Variants in FAM117A observed in about 807,000 individuals in gnomAD.
FAM117A encodes family with sequence similarity 117 member A, also known as protein FAM117A.
Under a neutral mutation model 44.1 loss-of-function variants are expected in FAM117A, and 21 were observed. The ratio of observed to expected loss-of-function variants is 0.48; its 90% CI spans 0.34 to 0.69. The LOEUF (loss-of-function observed/expected upper bound fraction) is 0.69, where lower values mean the gene tolerates loss of function less well. Ranked by LOEUF, FAM117A falls within the 30% of genes least tolerant of loss-of-function variation. The pLI is 0.01. For missense variants in FAM117A, 498 were observed against 589.9 expected, an observed-to-expected ratio of 0.84 and a Z score of 1.61; for synonymous variants, 220 against 238.3, an observed-to-expected ratio of 0.92 and a Z score of 0.71.
At chr17:49,719,461 C>T (rs1298060931) in intron 5 of FAM117A, among the ~76,000 whole-genome samples, 1 of 152,186 alleles carries the variant, frequency 6.6e-6, no homozygotes, top group East Asian at 1.9e-4. Context: ...ACAGTGAGAA[C>T]TGGCAGTTTG....
chr17:49,785,532 A>T lies in FAM117A; in HGVS notation c.-621+2965T>A, dbSNP rs185112858. On this transcript the variant is annotated intron_variant, in intron 1 of 7. Coordinates refer to the FAM117A transcript ENST00000513602. ...GTCTCTTAAAAAACAAAAAACAAAA[A>T]CAAAAACTTGTCCAAGAGTAATGCA... 2.0e-5 allele frequency among the ~76,000 whole-genome samples: 3 copies of T among 152,208 alleles called. No individual in the cohort carries two copies. The East Asian group carries it at 5.8e-4, about 29-fold the overall frequency.
intron 1 of FAM117A, among the ~76,000 whole-genome samples, chr17:49,780,864 T>C (rs1223278359): frequency 6.6e-6 from 1 of 152,062 alleles, no homozygotes; most frequent in Non-Finnish European, 1.5e-5. Context: ...GGAGTTTCGC[T>C]CTGTCACCCA....
At chr17:49,741,737 A>C (rs940968520) in intron 1 of FAM117A, among the ~76,000 whole-genome samples, 1 of 152,232 alleles carries the variant, frequency 6.6e-6, no homozygotes, top group African/African-American at 2.4e-5. Context: ...TGCAGTAAGC[A>C]CGGGAAGTTC....
chr17:49,745,790 A>G (rs2073652443), intron 1 of FAM117A, among the ~76,000 whole-genome samples: 2 of 152,242 alleles, frequency 1.3e-5, no homozygotes, highest in Admixed American at 1.3e-4. Context: ...AAAACAAAGA[A>G]ACAGGAATGG....
chr17:49,717,467 C>G (rs1209110546), intron 6 of FAM117A, 46 bp downstream of exon 6: 2 of 1,575,478 alleles, frequency 1.3e-6, no homozygotes, highest in Non-Finnish European at 1.7e-6. Context: ...TGGAGCCACT[C>G]ATGTGCCCCA....
chr17:49,757,658 C>G (rs2054086271), intron 1 of FAM117A, among the ~76,000 whole-genome samples: 1 of 152,170 alleles, frequency 6.6e-6, no homozygotes, highest in African/African-American at 2.4e-5. Context: ...AATGGGGGCA[C>G]AGATAACTTA....
chr17:49,720,494 G>A, intron 3 of FAM117A, 58 bp from the exon 4 acceptor site: 1 of 1,372,630 alleles, frequency 7.3e-7, no homozygotes. Context: ...AGTGCACTGG[G>A]TCCCTCTTCC....
chr17:49,774,812 G>GC (rs2073771352), intron 1 of FAM117A, among the ~76,000 whole-genome samples: 1 of 152,142 alleles, frequency 6.6e-6, no homozygotes, highest in African/African-American at 2.4e-5. Context: ...CTGATAGTGG[G>GC]AAAGGCTCCA....
At chr17:49,772,966 T>A (rs1459765633) in intron 1 of FAM117A, among the ~76,000 whole-genome samples, 2 of 151,852 alleles carry the variant, frequency 1.3e-5, no homozygotes, top group Non-Finnish European at 2.9e-5. Flanking sequence ...GGTCAAGAGT[T>A]CAAGACCAGC....
chr17:49,720,271 A>AG, intron 4 of FAM117A, 55 bp downstream of exon 4: 1 of 1,409,514 alleles, frequency 7.1e-7, no homozygotes, highest in Non-Finnish European at 1.0e-6. Context: ...CTGCCCATAT[A>AG]GGGGGGCCTG....
At chr17:49,747,575 C>T (rs59917700) in intron 1 of FAM117A, among the ~76,000 whole-genome samples, 29,434 of 152,092 alleles carry the variant, frequency 0.19, 3,310 homozygotes, top group East Asian at 0.55. Flanking sequence ...CTCTACCCCC[C>T]GCATCCTTGA....
At chr17:49,775,166 T>C (rs2073772263) in intron 1 of FAM117A, among the ~76,000 whole-genome samples, 1 of 152,198 alleles carries the variant, frequency 6.6e-6, no homozygotes, top group South Asian at 2.1e-4. Context: ...TTTTGTATTT[T>C]TAGTAGAGAC....
intron 1 of FAM117A, 127 bp from the exon 2 acceptor site, chr17:49,732,847 A>G: frequency 1.0e-6 from 1 of 1,001,928 alleles, no homozygotes; most frequent in Non-Finnish European, 1.5e-6. Flanking sequence ...ACTGTCCTAA[A>G]AGAATTTGAA....
intron 6 of FAM117A, 28 bp from the exon 7 acceptor site, chr17:49,716,343 T>A: frequency 1.3e-6 from 2 of 1,512,918 alleles, no homozygotes; most frequent in Non-Finnish European, 1.8e-6. Context: ...CTAAGTCTAG[T>A]GGAGATGAAG....
chr17:49,774,000 C>T (rs1355253140), intron 1 of FAM117A, among the ~76,000 whole-genome samples: 1 of 152,166 alleles, frequency 6.6e-6, no homozygotes, highest in Non-Finnish European at 1.5e-5. Context: ...GCAATCTGCC[C>T]GCCTTGGCCT....
At chr17:49,725,630 C>T (rs1461234437) in intron 2 of FAM117A, among the ~76,000 whole-genome samples, 1 of 152,208 alleles carries the variant, frequency 6.6e-6, no homozygotes, top group African/African-American at 2.4e-5. Context: ...AGTGCAAAGG[C>T]CCTGTGGCGG....
At chr17:49,786,792 A>G (rs2073810125) in intron 1 of FAM117A, among the ~76,000 whole-genome samples, 1 of 148,096 alleles carries the variant, frequency 6.8e-6, no homozygotes, top group African/African-American at 2.6e-5. Flanking sequence ...AAAAAAAAAA[A>G]AAAGAAAGGC....
chr17:49,754,487 G>C (rs11656541), intron 1 of FAM117A, among the ~76,000 whole-genome samples: 74,197 of 151,282 alleles, frequency 0.49, 21,216 homozygotes, highest in Middle Eastern at 0.74. Context: ...TGTATTTTTA[G>C]TAGAGACAGG....
intron 1 of FAM117A, among the ~76,000 whole-genome samples, chr17:49,751,858 T>G (rs1598031112): frequency 1.4e-5 from 2 of 145,370 alleles, no homozygotes; most frequent in East Asian, 4.1e-4. Context: ...GCAGGAGAAT[T>G]GCTTGAACCC....
Sources: gnomAD v4.1 joint callset for allele counts (sites outside exome capture counted in the v4.1 genomes callset) on GRCh38, gnomAD v4.1.1 for gene constraint, MANE v1.5 for transcripts, NCBI Gene and HGNC (gene_info 2026-07-23, HGNC 2026-07-21) for gene names.